The following NREP variants were observed in gnomAD, a reference collection of about 807,000 sequenced individuals.
NREP encodes the protein neuronal regeneration-related protein.
In NREP, 5 loss-of-function variants were observed where a neutral mutation model predicts 8.6. The ratio of observed to expected loss-of-function variants is 0.58; its 90% CI spans 0.30 to 1.22. NREP has a LOEUF of 1.22. Among genes scored for constraint, NREP ranks in the 50% most tolerant of loss-of-function variants. The probability of loss-of-function intolerance (pLI) is 0.07; values close to 1 mark genes in which losing one functional copy is unlikely to be tolerated. For synonymous variants in NREP, 27 were observed against 28.0 expected, an observed-to-expected ratio of 0.96 and a Z score of 0.11; for missense variants, 86 against 82.5, an observed-to-expected ratio of 1.04 and a Z score of -0.17.
chr5:111,825,044 G>C (rs924613218), intron 2 of NREP, among the ~76,000 whole-genome samples: 7 of 152,238 alleles, frequency 4.6e-5, no homozygotes, highest in East Asian at 1.9e-4. Context: ...TCAGAGTTAA[G>C]AACTGTGATG....
intron 2 of NREP, among the ~76,000 whole-genome samples, chr5:111,828,075 G>C (rs1752670572): frequency 6.6e-6 from 1 of 151,538 alleles, no homozygotes; most frequent in Non-Finnish European, 1.5e-5. Context: ...TGTTTGCCCA[G>C]GCTGGAGTGC....
At chr5:111,798,713 T>G (rs1252958368) in intron 2 of NREP, among the ~76,000 whole-genome samples, 2 of 151,996 alleles carry the variant, frequency 1.3e-5, no homozygotes, top group African/African-American at 4.8e-5. Context: ...TGTTCCTTTT[T>G]ATGGCTGAGT....
At chr5:111,914,158 T>A (rs992552652) in intron 2 of NREP, among the ~76,000 whole-genome samples, 1 of 152,126 alleles carries the variant, frequency 6.6e-6, no homozygotes, top group East Asian at 1.9e-4. Context: ...GTCCAGTAGG[T>A]CTTTAGCTTG....
intron 2 of NREP, among the ~76,000 whole-genome samples, chr5:111,751,660 T>C (rs919200672): frequency 6.6e-6 from 1 of 152,210 alleles, no homozygotes; most frequent in African/African-American, 2.4e-5. Context: ...TATATTCAAA[T>C]TGGATTTGCT....
intron 2 of NREP, among the ~76,000 whole-genome samples, chr5:111,783,349 T>A (rs1279270775): frequency 6.6e-6 from 1 of 152,202 alleles, no homozygotes; most frequent in African/African-American, 2.4e-5. Flanking sequence ...CTTCCTAAGA[T>A]TACCTAGTAT....
At chr5:111,906,410 A>G (rs1422197137) in intron 2 of NREP, among the ~76,000 whole-genome samples, 1 of 152,152 alleles carries the variant, frequency 6.6e-6, no homozygotes, top group African/African-American at 2.4e-5. Context: ...TTCAGCTGCA[A>G]TTAAGCAAAT....
intron 2 of NREP, among the ~76,000 whole-genome samples, chr5:111,955,769 G>A (rs998841689): frequency 1.3e-4 from 20 of 151,970 alleles, no homozygotes; most frequent in Non-Finnish European, 2.6e-4. Flanking sequence ...GAAATGTCAC[G>A]ATTTTGAGCT....
intron 2 of NREP, among the ~76,000 whole-genome samples, chr5:111,744,900 C>T (rs944260713): frequency 2.0e-5 from 3 of 152,086 alleles, no homozygotes; most frequent in Admixed American, 2.0e-4. Flanking sequence ...AAGACCTCAA[C>T]CATAGATTTT....
At chr5:111,780,510 T>G (rs1293125078) in intron 2 of NREP, among the ~76,000 whole-genome samples, 2 of 152,124 alleles carry the variant, frequency 1.3e-5, no homozygotes, top group Non-Finnish European at 2.9e-5. Flanking sequence ...TCCCACTCAT[T>G]GCTGCAAACA....
At chr5:111,961,745 T>C (rs1255625258) in intron 2 of NREP, among the ~76,000 whole-genome samples, 1 of 152,220 alleles carries the variant, frequency 6.6e-6, no homozygotes, top group Admixed American at 6.5e-5. Context: ...TAATCTCTCC[T>C]GGTTTTATGA....
intron 2 of NREP, among the ~76,000 whole-genome samples, chr5:111,862,179 A>C (rs1753557828): frequency 6.6e-6 from 1 of 152,206 alleles, no homozygotes; most frequent in South Asian, 2.1e-4. Context: ...TTTAGACAAG[A>C]ATTAAAACTC....
At chr5:111,932,962 C>T (rs569530315) in intron 2 of NREP, among the ~76,000 whole-genome samples, 34 of 152,136 alleles carry the variant, frequency 2.2e-4, no homozygotes, top group African/African-American at 5.8e-4. Context: ...ATAAAGGAAA[C>T]GGTTCTGTCC....
intron 2 of NREP, among the ~76,000 whole-genome samples, chr5:111,924,568 A>G (rs11738263): frequency 0.098 from 14,961 of 152,128 alleles, 1,093 homozygotes; most frequent in African/African-American, 0.2. Flanking sequence ...AATTGGGACT[A>G]TGGCCTCAAT....
intron 2 of NREP, among the ~76,000 whole-genome samples, chr5:111,824,053 G>C (rs1282729598): frequency 6.6e-6 from 1 of 152,150 alleles, no homozygotes; most frequent in African/African-American, 2.4e-5. Context: ...AAAGGTAAGA[G>C]TGGCACTAAT....
intron 2 of NREP, among the ~76,000 whole-genome samples, chr5:111,821,311 T>C (rs1256657681): frequency 1.3e-5 from 2 of 152,186 alleles, no homozygotes; most frequent in Non-Finnish European, 2.9e-5. Flanking sequence ...CTATAGAATC[T>C]GAAATGTAGC....
intron 2 of NREP, among the ~76,000 whole-genome samples, chr5:111,919,363 C>T (rs1380131502): frequency 3.9e-5 from 6 of 152,072 alleles, no homozygotes; most frequent in Admixed American, 2.6e-4. Flanking sequence ...CCCAGTAATC[C>T]TATTACTGGG....
At chr5:111,839,996 CGT>C (rs1286565881) in intron 2 of NREP, among the ~76,000 whole-genome samples, 1 of 152,024 alleles carries the variant, frequency 6.6e-6, no homozygotes, top group African/African-American at 2.4e-5. Flanking sequence ...ACATCCTGAT[CGT>C]GTTTCAGAGA....
Position 111,806,699 on chromosome 5 carries a change from G to A in NREP, c.136-71192C>T, listed in dbSNP as rs570852081. On this transcript the variant is annotated intron_variant, in intron 2 of 3. Transcript: ENST00000395634. ...ACTGTTTAGATTCTTGTATTCTGGT[G>A]CCAATCTAAGTTTCTTTTTGTTTGT... is the stretch of plus-strand genomic sequence containing the variant. 9.9e-5 allele frequency among the ~76,000 whole-genome samples: 15 copies of A among 151,922 alleles called. No homozygotes were observed. The South Asian group carries it at 3.2e-3, about 32-fold the overall frequency.
At chr5:111,836,575 C>A (rs1253963545) in intron 2 of NREP, among the ~76,000 whole-genome samples, 2 of 152,116 alleles carry the variant, frequency 1.3e-5, no homozygotes, top group East Asian at 3.9e-4. Context: ...CAAAACATTT[C>A]AAAGAGAAGC....
Sources: gnomAD v4.1 joint callset for allele counts (sites outside exome capture counted in the v4.1 genomes callset) on GRCh38, gnomAD v4.1.1 for gene constraint, MANE v1.5 for transcripts, NCBI Gene and HGNC (gene_info 2026-07-23, HGNC 2026-07-21) for gene names.